NCKAP5: variants seen among roughly 807,000 people sequenced by gnomAD.
NCKAP5 encodes the protein NCK associated protein 5, also known as nck-associated protein 5.
NCKAP5 carries 92 observed loss-of-function variants against 167.0 expected under a neutral mutation model. The ratio of observed to expected loss-of-function variants is 0.55; its 90% confidence interval spans 0.47 to 0.66. The LOEUF (loss-of-function observed/expected upper bound fraction) is 0.66, where lower values mean the gene tolerates loss of function less well. NCKAP5 is among the 30% of genes least tolerant of loss of function. The pLI is 0.00. For synonymous variants in NCKAP5, 891 were observed against 877.4 expected (o/e 1.02, Z -0.27); for missense variants, 2,378 against 2,315.0 (o/e 1.03, Z -0.56).
At chr2:133,554,123 G>A (rs1687572243) in intron 2 of NCKAP5, among the ~76,000 whole-genome samples, 1 of 152,170 alleles carries the variant, frequency 6.6e-6, no homozygotes, top group Non-Finnish European at 1.5e-5. Flanking sequence ...AATCTCTGAG[G>A]CTTCTAGTTT....
chr2:133,463,317 T>A (rs1349181852), intron 3 of NCKAP5, among the ~76,000 whole-genome samples: 3 of 152,342 alleles, frequency 2.0e-5, no homozygotes, highest in East Asian at 3.9e-4. Flanking sequence ...TCCAGATGCA[T>A]GCATATTGTA....
chr2:133,160,881 A>T (rs2083767901), intron 5 of NCKAP5, among the ~76,000 whole-genome samples: 1 of 152,116 alleles, frequency 6.6e-6, no homozygotes, highest in Admixed American at 6.5e-5. Context: ...AAACTGTCTT[A>T]TGCTTACTAA....
chr2:132,769,524 T>C (rs1681835442), intron 16 of NCKAP5, among the ~76,000 whole-genome samples: 1 of 152,174 alleles, frequency 6.6e-6, no homozygotes, highest in African/African-American at 2.4e-5. Context: ...GGTGAAAATA[T>C]ATATATTCTC....
chr2:133,533,843 AATTTT>A (rs1295152255), intron 2 of NCKAP5, among the ~76,000 whole-genome samples: 2 of 152,172 alleles, frequency 1.3e-5, no homozygotes, highest in Admixed American at 1.3e-4. Flanking sequence ...CTTCAAAGAC[AATTTT>A]ATTTATTTCT....
chr2:132,720,590 GGAGCC>G (rs1689814636), intron 19 of NCKAP5, among the ~76,000 whole-genome samples: 1 of 152,200 alleles, frequency 6.6e-6, no homozygotes, highest in African/African-American at 2.4e-5. Flanking sequence ...AGCTAGGGAA[GGAGCC>G]AGGGCCAATG....
chr2:133,573,775 A>C, the NCKAP5 span, among the ~76,000 whole-genome samples: 3 of 152,334 alleles, frequency 2.0e-5, no homozygotes, highest in African/African-American at 4.8e-5. Context: ...AGGAGGTGGG[A>C]AAAGGGAACG....
At chr2:133,007,066 G>A (rs1476819316) in intron 6 of NCKAP5, among the ~76,000 whole-genome samples, 2 of 152,148 alleles carry the variant, frequency 1.3e-5, no homozygotes, top group Non-Finnish European at 2.9e-5. Context: ...AACTCTTGGG[G>A]CCATAATATG....
chr2:133,337,248 T>C (rs1683275536), intron 3 of NCKAP5, among the ~76,000 whole-genome samples: 1 of 152,232 alleles, frequency 6.6e-6, no homozygotes, highest in South Asian at 2.1e-4. Flanking sequence ...GCTGAACTTC[T>C]TGAACTTCCT....
chr2:132,947,703 TCCAGGAG>T (rs1697859889), intron 8 of NCKAP5, among the ~76,000 whole-genome samples: 2 of 152,086 alleles, frequency 1.3e-5, no homozygotes, highest in African/African-American at 2.4e-5. Context: ...GTCTCAGCCC[TCCAGGAG>T]CCCACCGTAG....
In NCKAP5 at chr2:132,845,550, T is replaced by G. The variant is rs16842353; in HGVS notation, c.807+14942A>C. 9.3e-3 allele frequency among the ~76,000 whole-genome samples: 1,418 copies of G among 152,292 alleles called. 16 individuals carry two copies. The highest frequency in any genetic ancestry group is 0.033 in the African/African-American group (1,364 of 41,568). On this transcript the variant is annotated intron_variant, in intron 11 of 19. Transcript: ENST00000409261. ...CAACCATTTATGCATATGTCATCAT[T>G]CCTTACTGCTACTATTATTGTAAAA... is the stretch of plus-strand genomic sequence containing the variant.
intron 3 of NCKAP5, among the ~76,000 whole-genome samples, chr2:133,502,905 G>T (rs1682656938): frequency 6.6e-6 from 1 of 152,204 alleles, no homozygotes; most frequent in African/African-American, 2.4e-5. Context: ...TGCAGAGGAG[G>T]GACTTGGATG....
chr2:133,597,994 A>ATT, the NCKAP5 span, among the ~76,000 whole-genome samples: 1 of 152,220 alleles, frequency 6.6e-6, no homozygotes, highest in Non-Finnish European at 1.5e-5. Context: ...ACCTGGGTAA[A>ATT]CTGGGAGAAA....
chr2:132,676,283 CTTTTTTTTTTTTTTTTTT>C (rs61213029), intron 19 of NCKAP5, among the ~76,000 whole-genome samples: 1 of 61,136 alleles, frequency 1.6e-5, no homozygotes, highest in Admixed American at 2.3e-4. Flanking sequence ...TTGTTTTATC[CTTTTTTTTTTTTTTTTTT>C]TTTTTTTTTT....
chr2:132,685,981 AGAGGTGGGAGAGTCAG>A (rs1243549437), intron 19 of NCKAP5, among the ~76,000 whole-genome samples: 1 of 152,158 alleles, frequency 6.6e-6, no homozygotes, highest in African/African-American at 2.4e-5. Flanking sequence ...CTCTATGGGA[AGAGGTGGGAGAGTCAG>A]GAGGTGAGGA....
chr2:132,843,897 A>G (rs192232702), intron 11 of NCKAP5, among the ~76,000 whole-genome samples: 1 of 152,022 alleles, frequency 6.6e-6, no homozygotes, highest in Non-Finnish European at 1.5e-5. Flanking sequence ...TGTGATACCA[A>G]CTATTTCCCC....
At position 132,836,442 on chromosome 2, in the gene NCKAP5, T is replaced by G. The variant is rs183591356; in HGVS notation, c.807+24050A>C. The stretch of plus-strand genomic sequence containing the variant: ...TTTTTGTTTGTTATTGTTATTGGTG[T>G]TTTTTTTTTCTGAAAATGTGATTTT... On this transcript the variant is annotated intron_variant, in intron 11 of 19. Coordinates refer to ENST00000409261, the MANE Select transcript of NCKAP5 (RefSeq NM_207363.3). 6.1e-3 allele frequency among the ~76,000 whole-genome samples: 904 copies of G among 149,032 alleles called. 8 individuals carry two copies. The highest frequency in any genetic ancestry group is 0.02 in the African/African-American group (835 of 40,812).
chr2:132,688,917 T>C (rs970236512), intron 19 of NCKAP5, among the ~76,000 whole-genome samples: 9 of 147,200 alleles, frequency 6.1e-5, no homozygotes, highest in African/African-American at 2.0e-4. Context: ...GCCCAGGAGA[T>C]TGAGGCTACA....
chr2:133,376,885 T>A (rs1192497896), intron 3 of NCKAP5, among the ~76,000 whole-genome samples: 3 of 152,204 alleles, frequency 2.0e-5, no homozygotes, highest in Admixed American at 2.0e-4. Flanking sequence ...TATATCCCAT[T>A]CCTATAGGAA....
chr2:132,730,315 G>A (rs930263056), intron 17 of NCKAP5, among the ~76,000 whole-genome samples: 3 of 152,080 alleles, frequency 2.0e-5, no homozygotes, highest in African/African-American at 2.4e-5. Context: ...CCAACATGGC[G>A]AAACCCCATC....
Sources: allele counts gnomAD v4.1 joint callset (sites outside exome capture counted in the v4.1 genomes callset), GRCh38; gene constraint gnomAD v4.1.1; transcripts MANE v1.5; gene names NCBI Gene and HGNC (gene_info 2026-07-23, HGNC 2026-07-21).